BFSP1: variants seen among roughly 807,000 people sequenced by gnomAD.
The protein encoded by BFSP1 is beaded filament structural protein 1, also known as filensin.
In BFSP1, 38 loss-of-function variants were observed where a neutral mutation model predicts 43.9. The ratio of observed to expected loss-of-function variants is 0.87; its 90% CI spans 0.67 to 1.14. BFSP1 has a LOEUF of 1.14. BFSP1 is among the 50% of genes most tolerant of loss of function. The pLI is 0.00. For synonymous variants in BFSP1, 352 were observed against 354.8 expected (o/e 0.99, Z 0.09); for missense variants, 850 against 875.1 (o/e 0.97, Z 0.36).
chr20:17,537,430 C>T (rs947561077), intron 1 of BFSP1, among the ~76,000 whole-genome samples: 14 of 152,124 alleles, frequency 9.2e-5, no homozygotes, highest in East Asian at 3.9e-4. Flanking sequence ...AAGCAAGGCT[C>T]TCTCTCCAAC....
chr20:17,531,980 T>C (rs1485240019), upstream of BFSP1, among the ~76,000 whole-genome samples: 2 of 152,182 alleles, frequency 1.3e-5, no homozygotes, highest in Non-Finnish European at 2.9e-5. Flanking sequence ...TAGTGAGGTG[T>C]GGCGCAAGTA....
chr20:17,508,244 G>C (rs1354645584), intron 5 of BFSP1, among the ~76,000 whole-genome samples: 1 of 93,684 alleles, frequency 1.1e-5, no homozygotes, highest in African/African-American at 5.0e-5. Flanking sequence ...AGAACCGGAA[G>C]GAACAAAGAA....
intron 5 of BFSP1, among the ~76,000 whole-genome samples, chr20:17,505,534 G>A (rs1369016161): frequency 6.6e-6 from 1 of 152,272 alleles, no homozygotes; most frequent in African/African-American, 2.4e-5. Context: ...CCTCCACCGA[G>A]TTCCGGCCAC....
chr20:17,553,858 TACAC>T (rs1555805828), intron 1 of BFSP1, among the ~76,000 whole-genome samples: 3,737 of 70,446 alleles, frequency 0.053, 88 homozygotes, highest in Middle Eastern at 0.085. Flanking sequence ...TACATATATA[TACAC>T]ATATATATAC....
chr20:17,503,201 AT>A (rs59472927), intron 5 of BFSP1, among the ~76,000 whole-genome samples: 4,167 of 151,626 alleles, frequency 0.027, 208 homozygotes, highest in African/African-American at 0.096. Context: ...TTAAAAAAAA[AT>A]TTTTTTTTGT....
intron 1 of BFSP1, among the ~76,000 whole-genome samples, chr20:17,553,848 T>TAC (rs386393435): frequency 5.6e-4 from 51 of 90,696 alleles, no homozygotes; most frequent in Non-Finnish European, 8.7e-4. Context: ...CACATATATA[T>TAC]ACATATATAT....
chr20:17,545,751 T>C (rs1344232829), intron 1 of BFSP1, among the ~76,000 whole-genome samples: 2 of 152,258 alleles, frequency 1.3e-5, no homozygotes, highest in African/African-American at 4.8e-5. Context: ...AAGATCATTA[T>C]ACTTATGCTT....
chr20:17,510,482 C>T (rs1011330039), intron 4 of BFSP1, among the ~76,000 whole-genome samples: 1 of 152,126 alleles, frequency 6.6e-6, no homozygotes. Context: ...GTTACATCCA[C>T]TAAGGAGAAC....
Position 17,520,522 on chromosome 20 carries a change from T to C in BFSP1, c.438+4326A>G, listed in dbSNP as rs1049458304. ...AATTTAATTAAAAAACACTTTTCCT[T>C]CAACTCTGGATGTCAAAAACCTTTC... is the stretch of plus-strand genomic sequence containing the variant. On this transcript the variant is annotated intron_variant, in intron 2 of 7. Transcript: ENST00000377873. Among the ~76,000 whole-genome samples, 85 of 152,200 alleles carry C rather than the reference T, an allele frequency of 5.6e-4. 2 individuals are homozygous for C. Among genetic ancestry groups the C allele is most frequent in the Non-Finnish European group, 1.8e-4 (12 of 68,034 alleles).
chr20:17,553,155 G>A (rs1274614617), intron 1 of BFSP1, among the ~76,000 whole-genome samples: 2 of 152,124 alleles, frequency 1.3e-5, no homozygotes, highest in South Asian at 2.1e-4. Context: ...GTGGGATTCC[G>A]GAAGCCAAGT....
chr20:17,531,521 C>T (rs941574204), upstream of BFSP1, among the ~76,000 whole-genome samples: 2 of 152,252 alleles, frequency 1.3e-5, no homozygotes, highest in African/African-American at 4.8e-5. Context: ...CCGCTTTGTG[C>T]GGCGGATTAG....
chr20:17,517,171 A>T, intron 2 of BFSP1: 4 of 813,330 alleles, frequency 4.9e-6, no homozygotes, highest in South Asian at 4.0e-5. Flanking sequence ...GTAGACGAGA[A>T]TGGCAAAATT....
intron 1 of BFSP1, among the ~76,000 whole-genome samples, chr20:17,547,711 A>G (rs1235558620): frequency 1.3e-5 from 2 of 150,330 alleles, no homozygotes; most frequent in Non-Finnish European, 3.0e-5. Flanking sequence ...TTAATAAGAG[A>G]CATGTTTTTT....
chr20:17,509,291 G>C (rs1209944541), intron 4 of BFSP1, among the ~76,000 whole-genome samples: 1 of 123,930 alleles, frequency 8.1e-6, no homozygotes, highest in East Asian at 2.7e-4. Flanking sequence ...ACAGCAAGAA[G>C]GCAGCCGTCT....
At chr20:17,519,544 T>C (rs2034275629) in intron 2 of BFSP1, among the ~76,000 whole-genome samples, 1 of 152,196 alleles carries the variant, frequency 6.6e-6, no homozygotes, top group African/African-American at 2.4e-5. Flanking sequence ...GCCTGGAACC[T>C]ACCATGGGCT....
At chr20:17,554,377 G>T (rs1434358169) in intron 1 of BFSP1, among the ~76,000 whole-genome samples, 1 of 152,088 alleles carries the variant, frequency 6.6e-6, no homozygotes, top group African/African-American at 2.4e-5. Context: ...TAAATGTAAA[G>T]ATCCTAAGTA....
chr20:17,559,777 A>T (rs59226819), upstream of BFSP1, among the ~76,000 whole-genome samples: 237 of 152,286 alleles, frequency 1.6e-3, no homozygotes, highest in African/African-American at 5.3e-3. Flanking sequence ...ATGATCTGAG[A>T]TGGAACAGTT....
intron 5 of BFSP1, among the ~76,000 whole-genome samples, chr20:17,499,772 A>T (rs757177438): frequency 6.6e-6 from 1 of 152,058 alleles, no homozygotes; most frequent in Non-Finnish European, 1.5e-5. Flanking sequence ...AAATACAAAA[A>T]TTAGCTGGGA....
chr20:17,552,225 G>T (rs2034906455), intron 1 of BFSP1, among the ~76,000 whole-genome samples: 1 of 152,198 alleles, frequency 6.6e-6, no homozygotes, highest in Admixed American at 6.6e-5. Context: ...TCTGAGTAGA[G>T]AACGGAAGGA....
Sources: allele counts gnomAD v4.1 joint callset (sites outside exome capture counted in the v4.1 genomes callset), GRCh38; gene constraint gnomAD v4.1.1; transcripts MANE v1.5; gene names NCBI Gene and HGNC (gene_info 2026-07-23, HGNC 2026-07-21).